ST3GAL1: variants seen among roughly 807,000 people sequenced by gnomAD.
The protein encoded by ST3GAL1 is CMP-N-acetylneuraminate-beta-galactosamide-alpha-2,3-sialyltransferase 1.
Under a neutral mutation model 34.1 loss-of-function variants are expected in ST3GAL1, and 16 were observed. The observed-to-expected ratio is 0.47, with a 90% CI of 0.32 to 0.71. ST3GAL1 has a LOEUF of 0.71. Ranked by LOEUF, ST3GAL1 falls within the 30% of genes least tolerant of loss-of-function variation. ST3GAL1 has a pLI of 0.04. For missense variants in ST3GAL1, 353 were observed against 447.4 expected (o/e 0.79, Z 1.90); for synonymous variants, 191 against 184.7 (o/e 1.03, Z -0.28).
chr8:133,545,562 C>G (rs561665047), intron 2 of ST3GAL1, among the ~76,000 whole-genome samples: 4 of 152,326 alleles, frequency 2.6e-5, no homozygotes, highest in Admixed American at 6.5e-5. Context: ...TAGACACTAA[C>G]AGTCTGCATA....
chr8:133,533,660 C>A (rs1188061891), intron 2 of ST3GAL1, among the ~76,000 whole-genome samples: 1 of 152,228 alleles, frequency 6.6e-6, no homozygotes, highest in East Asian at 1.9e-4. Context: ...GTACTGCTCC[C>A]TGTCCCAGCC....
chr8:133,487,864 A>C (rs1216136800), intron 3 of ST3GAL1, among the ~76,000 whole-genome samples: 1 of 151,674 alleles, frequency 6.6e-6, no homozygotes, highest in Non-Finnish European at 1.5e-5. Flanking sequence ...GCTACTCAGG[A>C]GGCTGAGGCA....
rs762735522 is a variant in ST3GAL1 at position 133,475,900 on chromosome 8, A to G, written c.125T>C (p.Met42Thr). The stretch of plus-strand genomic sequence containing the variant: ...CAGGTTCTCGGAGAGCTCCAGGACC[A>G]TCTGCTTGGGGAACCAGGTGGTGGC... ...MVATTWFPKQMVLELSENLKR... is the reference protein window; with the variant it reads ...MVATTWFPKQTVLELSENLKR... Residue 42 changes from methionine to threonine, a missense_variant, in exon 5 of 10, where the codon ATG becomes ACG. By Grantham distance (81) the Met-to-Thr change is moderately conservative. Transcript: ENST00000522652. 1.4e-5 allele frequency: 23 copies of G among 1,614,054 alleles called. No homozygotes were observed. Among genetic ancestry groups the G allele is most frequent in the Non-Finnish European group, 1.9e-5 (23 of 1,180,024 alleles).
chr8:133,535,201 C>A (rs1818272712), intron 2 of ST3GAL1, among the ~76,000 whole-genome samples: 1 of 152,182 alleles, frequency 6.6e-6, no homozygotes, highest in Non-Finnish European at 1.5e-5. Flanking sequence ...GCAGACATGG[C>A]AGGTACTACA....
At chr8:133,500,547 G>C (rs1005430623) in intron 2 of ST3GAL1, among the ~76,000 whole-genome samples, 1 of 152,208 alleles carries the variant, frequency 6.6e-6, no homozygotes, top group Non-Finnish European at 1.5e-5. Flanking sequence ...GCAGTGATGA[G>C]GGTGGGGGGC....
At chr8:133,528,161 G>A (rs183030626) in intron 2 of ST3GAL1, among the ~76,000 whole-genome samples, 3 of 152,088 alleles carry the variant, frequency 2.0e-5, no homozygotes, top group East Asian at 3.9e-4. Context: ...GTGACAGAGC[G>A]AGACTCTGTC....
At chr8:133,518,600 C>G (rs1817711608) in intron 2 of ST3GAL1, among the ~76,000 whole-genome samples, 1 of 152,188 alleles carries the variant, frequency 6.6e-6, no homozygotes, top group African/African-American at 2.4e-5. Context: ...CTGCTGGAAG[C>G]TGGGAATACA....
intron 2 of ST3GAL1, among the ~76,000 whole-genome samples, chr8:133,505,404 A>G (rs1817300339): frequency 6.6e-6 from 1 of 152,180 alleles, no homozygotes. Flanking sequence ...GGGTACAAGT[A>G]GAAATGATGT....
At chr8:133,510,059 CAAAAAAAA>C (rs61402942) in intron 2 of ST3GAL1, among the ~76,000 whole-genome samples, 1 of 120,228 alleles carries the variant, frequency 8.3e-6, no homozygotes, top group Non-Finnish European at 1.7e-5. Context: ...AACTCTGTCT[CAAAAAAAA>C]AAAAAAAAAA....
chr8:133,541,063 AT>A (rs1302520044), intron 2 of ST3GAL1, among the ~76,000 whole-genome samples: 75 of 58,808 alleles, frequency 1.3e-3, no homozygotes, highest in Middle Eastern at 8.5e-3. Flanking sequence ...AGACATATAT[AT>A]ATAGACATAT....
In ST3GAL1 at chr8:133,541,120, T is replaced by TAGAGAG. The variant is rs1554618899; in HGVS notation, c.-429+4648_-429+4653dup. Among the ~76,000 whole-genome samples the TAGAGAG allele has an allele frequency of 2.0e-3, 96 of 48,616 alleles. 5 individuals carry two copies. Among genetic ancestry groups the TAGAGAG allele is most frequent in the East Asian group, 4.6e-3 (9 of 1,950 alleles). 31.9% of individuals were successfully genotyped at this position (48,616 alleles called of 152,430 possible). A position where few individuals can be genotyped will look rare whatever the true frequency, so the allele number is the denominator to read the frequency against. On this transcript the variant is annotated intron_variant, in intron 2 of 9. Transcript: ENST00000522652. The stretch of plus-strand genomic sequence containing the variant: ...ACATATATATATATATATATATATA[T>TAGAGAG]AGAGAGAGAGAGAGAGAGAGAGAGA...
intron 5 of ST3GAL1, among the ~76,000 whole-genome samples, chr8:133,474,648 C>CA (rs1816097558): frequency 6.6e-6 from 1 of 152,138 alleles, no homozygotes; most frequent in African/African-American, 2.4e-5. Flanking sequence ...CTCTACTCCC[C>CA]ATTACATCCA....
intron 3 of ST3GAL1, among the ~76,000 whole-genome samples, chr8:133,496,206 T>C (rs930997782): frequency 1.3e-5 from 2 of 152,202 alleles, no homozygotes; most frequent in African/African-American, 2.4e-5. Context: ...TCCTGAGTAT[T>C]ATTTTTCCAG....
rs531414379 is a variant in ST3GAL1 at position 133,477,760 on chromosome 8, C to T, written c.-373-1160G>A. ...CTGTGGTTGCACGTCTGCCCTGGAG[C>T]GTGGTCTTTTTGGTCTTTGCTTGGA... On this transcript the variant is annotated intron_variant, in intron 3 of 9. Coordinates refer to ENST00000522652, the MANE Select transcript of ST3GAL1 (RefSeq NM_173344.3). Among the ~76,000 whole-genome samples, 4 of 152,020 alleles carry T rather than the reference C, an allele frequency of 2.6e-5. No homozygotes were observed. The South Asian group carries it at 6.3e-4, about 24-fold the overall frequency.
intron 2 of ST3GAL1, among the ~76,000 whole-genome samples, chr8:133,502,751 C>T (rs1817222957): frequency 6.6e-6 from 1 of 152,246 alleles, no homozygotes; most frequent in Non-Finnish European, 1.5e-5. Flanking sequence ...CATATGACTA[C>T]AACTATTAAG....
intron 2 of ST3GAL1, among the ~76,000 whole-genome samples, chr8:133,502,068 C>G (rs1019748101): frequency 2.0e-5 from 3 of 152,066 alleles, no homozygotes; most frequent in African/African-American, 7.3e-5. Context: ...TCATTTATGC[C>G]AGGAATTGGG....
intron 2 of ST3GAL1, among the ~76,000 whole-genome samples, chr8:133,524,957 C>G (rs1299724989): frequency 6.6e-6 from 1 of 152,260 alleles, no homozygotes; most frequent in Non-Finnish European, 1.5e-5. Context: ...CCCAACGGGC[C>G]ACAGCTCTTC....
chr8:133,462,595 G>A (rs1039540271), intron 8 of ST3GAL1, among the ~76,000 whole-genome samples: 1 of 152,148 alleles, frequency 6.6e-6, no homozygotes, highest in Non-Finnish European at 1.5e-5. Flanking sequence ...TGAGCACAAC[G>A]AAAGGGAATT....
rs1443011131 is a variant in ST3GAL1 at position 133,459,973 on chromosome 8, A to G, written c.850-36T>C. The G allele has an allele frequency of 1.3e-6, 2 of 1,572,992 alleles. No homozygotes were observed. Among genetic ancestry groups the G allele is most frequent in the African/African-American group, 1.4e-5 (1 of 73,484 alleles). ...AAAGCAAAGATGAGAACCAGACAGC[A>G]GGGCTGCTGGTGGCACCTCTGAGAA... On this transcript the variant is annotated intron_variant, in intron 9 of 9. Coordinates refer to ENST00000522652, the MANE Select transcript of ST3GAL1 (RefSeq NM_173344.3). This position sits in a 1 kb window ranked among gnomAD's most constrained non-coding sequence, Gnocchi z 4.7.
Sources: allele counts gnomAD v4.1 joint callset (sites outside exome capture counted in the v4.1 genomes callset), GRCh38; gene constraint gnomAD v4.1.1; non-coding constraint Gnocchi (gnomAD v3.1); transcripts MANE v1.5; gene names NCBI Gene and HGNC (gene_info 2026-07-23, HGNC 2026-07-21).